CACNA1F: variants seen among roughly 807,000 people sequenced by gnomAD.
CACNA1F encodes voltage-dependent L-type calcium channel subunit alpha-1F.
In CACNA1F, 59 loss-of-function variants were observed where a neutral mutation model predicts 143.8. The observed-to-expected ratio is 0.41, with a 90% CI of 0.33 to 0.51. CACNA1F has a LOEUF of 0.51. CACNA1F is among the 20% of genes least tolerant of loss of function. The pLI, the probability that CACNA1F is intolerant of heterozygous loss-of-function variation, is 0.22. For missense variants in CACNA1F, 1,411 were observed against 1,647.5 expected (o/e 0.86, Z 2.48); for synonymous variants, 643 against 649.1 (o/e 0.99, Z 0.14).
chrX:49,231,612 C>T lies in CACNA1F; in HGVS notation c.275+66G>A, dbSNP rs782256224. The T allele has an allele frequency of 3.6e-4, 426 of 1,173,332 alleles. 1 individual carries two copies. The African/African-American group carries it at 6.5e-3, about 18-fold the overall frequency. On this transcript the variant is annotated intron_variant, in intron 2 of 47. Transcript: ENST00000323022. ...GCCCTCCTCTGTTCCAGCCCTGACC[C>T]AATTCTTTACTCCTGGTACCCTGAT...
chrX:49,213,098 G>A (rs914298440), intron 31 of CACNA1F, 104 bp from the exon 32 acceptor site: 26 of 682,168 alleles, frequency 3.8e-5, no homozygotes, highest in Non-Finnish European at 5.8e-5. Context: ...GGGGGTGATG[G>A]TGGGGTCATT....
chrX:49,222,975 C>T lies in CACNA1F; in HGVS notation c.2039G>A (p.Arg680Gln), dbSNP rs781925366. The change falls in exon 15 of 48, where the codon CGA becomes CAA. Residue 680 changes from arginine to glutamine, a missense_variant. Physicochemically the swap from Arg to Gln is conservative, Grantham distance 43. Coordinates refer to ENST00000323022, the MANE Select transcript of CACNA1F (RefSeq NM_001256789.3). The stretch of plus-strand genomic sequence containing the variant: ...CTGGGGGAACGTGTCAAAGGTGCTT[C>T]GCTTGGTGTGGGTCTGGTCAAAGTT... ...KFNFDQTHTK[R>Q]STFDTFPQAL... 33 of 1,193,222 alleles carry T rather than the reference C, an allele frequency of 2.8e-5. No homozygotes were observed. Among genetic ancestry groups the T allele is most frequent in the Middle Eastern group, 2.3e-4 (1 of 4,337 alleles).
intron 24 of CACNA1F, 104 bp from the exon 25 acceptor site, chrX:49,218,109 T>A: frequency 1.7e-6 from 1 of 576,521 alleles, no homozygotes; most frequent in Non-Finnish European, 2.9e-6. Flanking sequence ...GCTGGGGACA[T>A]GTGGTGATGG....
chrX:49,213,906 C>A lies in CACNA1F; in HGVS notation c.3709-4G>T, dbSNP rs1440991565. On this transcript the variant is annotated splice_polypyrimidine_tract_variant and splice_region_variant and intron_variant, in intron 30 of 47. Transcript: ENST00000323022. Reference sequence around the variant, plus strand: ...TCCAGGCATCAGTGAAGTAATGCTGCAAGTAGGAGAAAAGCAGTGCCCTGT... The same window carrying A: ...TCCAGGCATCAGTGAAGTAATGCTGAAAGTAGGAGAAAAGCAGTGCCCTGT... The A allele has an allele frequency of 8.5e-7, 1 of 1,175,126 alleles. No individual in the cohort carries two copies. Among genetic ancestry groups the A allele is most frequent in the Non-Finnish European group, 1.2e-6 (1 of 865,524 alleles).
chrX:49,209,799 C>T, intron 40 of CACNA1F, 40 bp from the exon 41 acceptor site: 1 of 1,206,330 alleles, frequency 8.3e-7, no homozygotes, highest in Non-Finnish European at 1.1e-6. Context: ...CACAGGGGCC[C>T]TCTGACCCAG....
At chrX:49,231,976 T>C (rs2065883838) in intron 1 of CACNA1F, 49 bp from the exon 2 acceptor site, 2 of 1,118,485 alleles carry the variant, frequency 1.8e-6, no homozygotes, top group Non-Finnish European at 1.2e-6. Flanking sequence ...GGGGCAATTG[T>C]GGCTGCTTCC....
chrX:49,214,597 G>T, intron 29 of CACNA1F, among the ~76,000 whole-genome samples: 1 of 112,361 alleles, frequency 8.9e-6, no homozygotes, highest in Middle Eastern at 4.6e-3. Flanking sequence ...TCCCTGCCTT[G>T]AGTGTGGTTT....
In CACNA1F at chrX:49,231,452, T is replaced by C. The variant is rs2147925900; in HGVS notation, c.276-145A>G. ...ACCCCTGCCCTGACAAGGCCTTGACTTTGTCCCTCCTGGAAACCTTAACCA... is the reference window on the plus strand; with the variant it reads ...ACCCCTGCCCTGACAAGGCCTTGACCTTGTCCCTCCTGGAAACCTTAACCA... On this transcript the variant is annotated intron_variant, in intron 2 of 47. Coordinates refer to ENST00000323022, the MANE Select transcript of CACNA1F (RefSeq NM_001256789.3). 8.2e-6 allele frequency: 5 copies of C among 613,094 alleles called. No homozygotes were observed. The East Asian group carries it at 1.8e-4, about 22-fold the overall frequency. The allele number at this position is 613,094 out of a possible 1,213,427, so 50.5% of individuals were successfully genotyped here.
chrX:49,212,567 T>C (rs962853852), intron 33 of CACNA1F, 100 bp downstream of exon 33: 89 of 908,075 alleles, frequency 9.8e-5, no homozygotes, highest in Non-Finnish European at 1.4e-4. Flanking sequence ...GAAATGGGTA[T>C]GGCATGTTGG....
At position 49,216,878 on chromosome X, in the gene CACNA1F, G is replaced by A. The variant is rs146624348; in HGVS notation, c.3090-350C>T. On this transcript the variant is annotated intron_variant, in intron 26 of 47. Transcript: ENST00000323022. The stretch of plus-strand genomic sequence containing the variant: ...ATCGCCCACCAGGAAAAAGTAAAAC[G>A]AATAATAGCCAACGTTTATTAGCAG... Among the ~76,000 whole-genome samples the A allele has an allele frequency of 5.0e-3, 554 of 111,596 alleles. 2 individuals are homozygous for A. Among genetic ancestry groups the A allele is most frequent in the Non-Finnish European group, 6.5e-3 (345 of 53,082 alleles).
rs1378536632 is a variant in CACNA1F at position 49,211,269 on chromosome X, C to CTCAGGGCCAGCCCCCGTGACGG, written c.4260+31_4260+52dup. The CTCAGGGCCAGCCCCCGTGACGG allele has an allele frequency of 1.0e-5, 12 of 1,191,906 alleles. No homozygotes were observed. The African/African-American group carries it at 1.9e-4, about 19-fold the overall frequency. ...CTGCCCACGTCACATCCCTGAGCCC[C>CTCAGGGCCAGCCCCCGTGACGG]TCAGGGCCAGCCCCCGTGACGGTGG... On this transcript the variant is annotated intron_variant, in intron 36 of 47. Transcript: ENST00000323022.
chrX:49,226,694 G>A lies in CACNA1F; in HGVS notation c.1285C>T (p.Leu429=). The change falls in exon 10 of 48, where the codon CTG becomes TTG. Residue 429 remains leucine (L), a synonymous_variant. Transcript: ENST00000323022. ...PSADDNLGPQ[L]AELTNRRRGR... Reference sequence around the variant, plus strand: ...CGCCTCCTATTGGTCAGCTCGGCCAGCTGTGGCCCTGCAGGGAGAGAAAGG... The same window carrying A: ...CGCCTCCTATTGGTCAGCTCGGCCAACTGTGGCCCTGCAGGGAGAGAAAGG... The A allele has an allele frequency of 8.5e-7, 1 of 1,176,827 alleles. No homozygotes were observed. Among genetic ancestry groups the A allele is most frequent in the Non-Finnish European group, 1.1e-6 (1 of 877,052 alleles).
Position 49,208,575 on chromosome X carries a change from T to A in CACNA1F, c.5063A>T (p.Asp1688Val), listed in dbSNP as rs370973988. The change falls in exon 43 of 48, where the codon GAC (aspartate) becomes GTC (valine). Residue 1688 changes from aspartate (D) to valine (V), a missense_variant. Transcript: ENST00000323022. ...CTGACTGGAGGTGGGAGTCCCCCTG[T>A]CATCATCACTGGGCCCAAAGGAGAG... The part of the protein sequence containing the change: ...DSLSFGPSDD[D>V]RGTPTSSQPS... 8.3e-7 allele frequency: 1 copy of A among 1,208,092 alleles called. No homozygotes were observed. Among genetic ancestry groups the A allele is most frequent in the African/African-American group, 1.8e-5 (1 of 56,752 alleles).
chrX:49,213,015 GA>G, intron 31 of CACNA1F, 21 bp from the exon 32 acceptor site: 1 of 1,188,699 alleles, frequency 8.4e-7, no homozygotes, highest in Non-Finnish European at 1.1e-6. Flanking sequence ...ATATGGCCAA[GA>G]AAAAGGTGAT....
chrX:49,219,938 G>C (rs1205272010), intron 19 of CACNA1F, 148 bp from the exon 20 acceptor site: 2 of 497,614 alleles, frequency 4.0e-6, no homozygotes, highest in Non-Finnish European at 7.2e-6. Flanking sequence ...TTTGTATGCT[G>C]CTATGTCCAC....
At chrX:49,213,459 T>C (rs782421292) in intron 31 of CACNA1F, among the ~76,000 whole-genome samples, 1 of 111,397 alleles carries the variant, frequency 9.0e-6, no homozygotes, top group African/African-American at 3.3e-5. Flanking sequence ...GGTGGAGAAA[T>C]GAAGCCAATG....
At position 49,219,194 on chromosome X, in the gene CACNA1F, C is replaced by T. The variant is rs368967002; in HGVS notation, c.2673+127G>A. 49 of 726,888 alleles carry T rather than the reference C, an allele frequency of 6.7e-5. No individual in the cohort carries two copies. The Middle Eastern group carries it at 1.3e-3, about 20-fold the overall frequency. The allele number at this position is 726,888 out of a possible 1,213,427, so 59.9% of individuals were successfully genotyped here. A position where few individuals can be genotyped will look rare whatever the true frequency, so the allele number is the denominator to read the frequency against. On this transcript the variant is annotated intron_variant, in intron 21 of 47. Coordinates refer to ENST00000323022, the MANE Select transcript of CACNA1F (RefSeq NM_001256789.3). ...GTAAAGGCTGGCATTGCATCAGCTGCGTTAATGAGCCCCTCTCTCGGCTCA... is the reference window on the plus strand; with the variant it reads ...GTAAAGGCTGGCATTGCATCAGCTGTGTTAATGAGCCCCTCTCTCGGCTCA...
chrX:49,206,417 AAAG>A (rs1428005619), intron 46 of CACNA1F, 91 bp downstream of exon 46: 100 of 453,083 alleles, frequency 2.2e-4, no homozygotes, highest in South Asian at 1.2e-3. Flanking sequence ...AAAAAAAAAA[AAAG>A]GGCCTGATAT....
Position 49,205,222 on chromosome X carries a change from G to A in CACNA1F, c.5816C>T (p.Ser1939Phe), listed in dbSNP as rs2065580415. The A allele has an allele frequency of 2.5e-6, 3 of 1,210,817 alleles. No individual in the cohort carries two copies. Residue 1939 changes from serine to phenylalanine, a missense_variant, in exon 48 of 48, where the codon TCT becomes TTT. By Grantham distance (155) the Ser-to-Phe change is radical (BLOSUM62 -2). Around this residue, in one of 3 missense-constraint regions of CACNA1F, gnomAD observed 349 missense variants for 350.2 expected, o/e 1.00. Transcript: ENST00000323022. ...ASDLLAQGTS[S>F]LYSDEESILS... ...GATGGACTCCTCGTCGCTATAGAGA[G>A]AGCTGGTTCCCTGTGCCAGCAGGTC...
Sources: gnomAD v4.1 joint callset for allele counts (sites outside exome capture counted in the v4.1 genomes callset) on GRCh38, gnomAD v4.1.1 for gene constraint, gnomAD v4.1.1 regional missense constraint, MANE v1.5 for transcripts, NCBI Gene and HGNC (gene_info 2026-07-23, HGNC 2026-07-21) for gene names.